The following NEFM variants were observed in gnomAD, a reference collection of about 807,000 sequenced individuals.
NEFM encodes the protein neurofilament medium chain.
In NEFM, 16 loss-of-function variants were observed where a neutral mutation model predicts 48.1. The ratio of observed to expected loss-of-function variants is 0.33; its 90% CI spans 0.23 to 0.51. The LOEUF is 0.51. Ranked by LOEUF, NEFM falls within the 20% of genes least tolerant of loss-of-function variation. The probability of loss-of-function intolerance (pLI) is 0.98; values close to 1 mark genes in which losing one functional copy is unlikely to be tolerated. For synonymous variants in NEFM, 465 were observed against 456.9 expected, an observed-to-expected ratio of 1.02 and a Z score of -0.23; for missense variants, 1,107 against 1,136.0, an observed-to-expected ratio of 0.97 and a Z score of 0.37.
Position 24,918,891 on chromosome 8 carries a change from C to T in NEFM, c.*285C>T, listed in dbSNP as rs1802625227. On this transcript the variant is annotated 3_prime_UTR_variant, in exon 3 of 3. Coordinates refer to ENST00000221166, the MANE Select transcript of NEFM (RefSeq NM_005382.2). ...TGAGATGTATTATGCAAAGTACCAA[C>T]TGAGCCAAAAACAATAAACGAAACA... is the stretch of plus-strand genomic sequence containing the variant. 1.2e-5 allele frequency: 5 copies of T among 430,592 alleles called. No homozygotes were observed. The highest frequency in any genetic ancestry group is 2.1e-5 in the Non-Finnish European group (5 of 236,368). 26.7% of individuals were successfully genotyped at this position (430,592 alleles called of 1,614,324 possible). A position where few individuals can be genotyped will look rare whatever the true frequency, so the allele number is the denominator to read the frequency against.
chr8:24,917,504 A>C lies in NEFM; in HGVS notation c.1649A>C (p.Glu550Ala). 6.4e-7 allele frequency: 1 copy of C among 1,555,358 alleles called. No homozygotes were observed. The highest frequency in any genetic ancestry group is 8.7e-7 in the Non-Finnish European group (1 of 1,148,938). ...GGAGCTAAGTCAGACCAAGCCGAAG[A>C]GGGAGGATCCGAGAAGGAAGGCTCT... ...DEGAKSDQAE[E>A]GGSEKEGSSE... Residue 550 changes from glutamate (E) to alanine (A), a missense_variant, in exon 3 of 3, where the codon GAG becomes GCG. By Grantham distance (107) the Glu-to-Ala change is moderately radical. This residue lies in a region of NEFM where 917 missense variants were observed against 916.4 expected (regional missense o/e 1.00). Coordinates refer to ENST00000221166, the MANE Select transcript of NEFM (RefSeq NM_005382.2).
Position 24,918,064 on chromosome 8 carries a change from C to G in NEFM, c.2209C>G (p.Pro737Ala). ...GCCAGAGAAGAAGAAAGCTGAGTCC[C>G]CTGTAAAGGAGGAAGCTGTGGCAGA... ...DVPEKKKAES[P>A]VKEEAVAEVV... The change falls in exon 3 of 3, where the codon CCT becomes GCT. Residue 737 changes from proline to alanine, a missense_variant. This residue lies in a region of NEFM where 917 missense variants were observed against 916.4 expected (regional missense o/e 1.00). Coordinates refer to ENST00000221166, the MANE Select transcript of NEFM (RefSeq NM_005382.2). 6.4e-7 allele frequency: 1 copy of G among 1,553,370 alleles called. No homozygotes were observed. The highest frequency in any genetic ancestry group is 8.7e-7 in the Non-Finnish European group (1 of 1,147,898).
intron 2 of NEFM, 62 bp from the exon 3 acceptor site, chr8:24,916,999 T>C: frequency 9.8e-6 from 13 of 1,331,260 alleles, no homozygotes; most frequent in Non-Finnish European, 1.4e-5. Flanking sequence ...CAGAATGTAA[T>C]GAAGCTCAGA....
rs1257300887 is a variant in NEFM at position 24,918,246 on chromosome 8, G to A, written c.2391G>A (p.Lys797=). The change falls in exon 3 of 3, where the codon AAG becomes AAA. Residue 797 remains lysine, a synonymous_variant. Coordinates refer to ENST00000221166, the MANE Select transcript of NEFM (RefSeq NM_005382.2). The stretch of plus-strand genomic sequence containing the variant: ...ATAAAGGTGCCAAGGGATCCAGGAA[G>A]GAAGACATAGCTGTCAATGGGGAGG... ...GSDKGAKGSR[K]EDIAVNGEVE... The A allele has an allele frequency of 6.3e-7, 1 of 1,576,400 alleles. No individual in the cohort carries two copies. Among genetic ancestry groups the A allele is most frequent in the African/African-American group, 1.4e-5 (1 of 73,908 alleles).
In NEFM at chr8:24,915,744, A is replaced by G; in HGVS notation, c.1205+15A>G. On this transcript the variant is annotated intron_variant, in intron 2 of 2. Coordinates refer to ENST00000221166, the MANE Select transcript of NEFM (RefSeq NM_005382.2). Reference sequence around the variant, plus strand: ...GCTGCGTACAGGTACGATGCTTACTACGTGCGTGGCCGGAACACTAACCGC... The same window carrying G: ...GCTGCGTACAGGTACGATGCTTACTGCGTGCGTGGCCGGAACACTAACCGC... 6.2e-7 allele frequency: 1 copy of G among 1,613,968 alleles called. No homozygotes were observed. Among genetic ancestry groups the G allele is most frequent in the Admixed American group, 1.7e-5 (1 of 60,004 alleles).
chr8:24,914,396 GGCCA>G lies in NEFM; in HGVS notation c.604_607del (p.Ala202SerfsTer60). 1 of 1,613,602 alleles carries G rather than the reference GGCCA, an allele frequency of 6.2e-7. No individual in the cohort carries two copies. Among genetic ancestry groups the G allele is most frequent in the Non-Finnish European group, 8.5e-7 (1 of 1,179,978 alleles). On this transcript the variant is annotated frameshift_variant, in exon 1 of 3. Coordinates refer to ENST00000221166, the MANE Select transcript of NEFM (RefSeq NM_005382.2). LOFTEE classifies it high-confidence loss of function. ...CGCGGTTGCGCGACGACACTGAGGC[GGCCA>G]TCCGCGCGCTGCGCAAAGACATCGA...
chr8:24,914,773 A>G lies in NEFM; in HGVS notation c.980A>G (p.Lys327Arg). The change falls in exon 1 of 3, where the codon AAG becomes AGG. Residue 327 changes from lysine to arginine, a missense_variant. Transcript: ENST00000221166. ...GAGTACCGGCGCCAGCTGCAGTCCA[A>G]GAGCATCGAGCTAGAGTCGGTGCGC... The part of the protein sequence containing the change: ...IAEYRRQLQS[K>R]SIELESVRGT... The G allele has an allele frequency of 6.2e-7, 1 of 1,610,976 alleles. No individual in the cohort carries two copies. Among genetic ancestry groups the G allele is most frequent in the South Asian group, 1.1e-5 (1 of 90,716 alleles).
chr8:24,914,340 C>T lies in NEFM; in HGVS notation c.547C>T (p.His183Tyr). 6.2e-7 allele frequency: 1 copy of T among 1,613,654 alleles called. No individual in the cohort carries two copies. Among genetic ancestry groups the T allele is most frequent in the East Asian group, 2.2e-5 (1 of 44,864 alleles). ...CTCGGACCACCTGGAGGAAGACATC[C>T]ACCGGCTCAAGGAGCGCTTTGAGGA... ...LDSDHLEEDIHRLKERFEEEA... is the reference protein window; with the variant it reads ...LDSDHLEEDIYRLKERFEEEA... Residue 183 changes from histidine to tyrosine, a missense_variant, in exon 1 of 3, where the codon CAC (histidine) becomes TAC (tyrosine). Transcript: ENST00000221166.
Position 24,914,861 on chromosome 8 carries a change from C to T in NEFM, c.1068C>T (p.Leu356=), listed in dbSNP as rs1314576875. 6.3e-7 allele frequency: 1 copy of T among 1,592,410 alleles called. No individual in the cohort carries two copies. The highest frequency in any genetic ancestry group is 8.5e-7 in the Non-Finnish European group (1 of 1,171,052). The change falls in exon 1 of 3, where the codon CTC becomes CTT. Residue 356 remains leucine (L), a synonymous_variant. Transcript: ENST00000221166. ...TCGAGGAGCGCCACAACCACGACCT[C>T]AGCAGCTACCAGGTAGGAACCGCGG... The part of the protein sequence containing the change: ...SDIEERHNHD[L]SSYQDTIQQL...
Position 24,915,704 on chromosome 8 carries a change from C to T in NEFM, c.1180C>T (p.Leu394=). ...GGACCTCCTCAACGTCAAGATGGCT[C>T]TGGATATAGAAATCGCTGCGTACAG... ...YQDLLNVKMA[L]DIEIAAYRKL... The change falls in exon 2 of 3, where the codon CTG becomes TTG. Residue 394 remains leucine (L), a synonymous_variant. Transcript: ENST00000221166. The T allele has an allele frequency of 6.2e-7, 1 of 1,614,068 alleles. No homozygotes were observed. The highest frequency in any genetic ancestry group is 8.5e-7 in the Non-Finnish European group (1 of 1,180,006).
rs576331039 is a variant in NEFM, at chr8:24,913,868, C to G, written c.75C>G (p.Ser25Arg). The stretch of plus-strand genomic sequence containing the variant: ...TAACCGAGACCCGCTCGAGCTTCAG[C>G]CGCGTCAGCGGCTCCCCGTCCAGTG... ...RRVTETRSSF[S>R]RVSGSPSSGF... is the part of the protein sequence containing the mutation. The change falls in exon 1 of 3, where the codon AGC becomes AGG. Residue 25 changes from serine (S) to arginine (R), a missense_variant. Physicochemically the swap from Ser to Arg is moderately radical, Grantham distance 110 (BLOSUM62 -1). Coordinates refer to ENST00000221166, the MANE Select transcript of NEFM (RefSeq NM_005382.2). 2.5e-6 allele frequency: 4 copies of G among 1,609,534 alleles called. No individual in the cohort carries two copies. Among genetic ancestry groups the G allele is most frequent in the African/African-American group, 1.3e-5 (1 of 75,016 alleles).
Position 24,918,427 on chromosome 8 carries a change from G to A in NEFM, c.2572G>A (p.Val858Ile), listed in dbSNP as rs57658073. The A allele has an allele frequency of 1.8e-3, 2,977 of 1,614,084 alleles. 6 individuals are homozygous for A. The highest frequency in any genetic ancestry group is 6.6e-3 in the Middle Eastern group (40 of 6,058). The change falls in exon 3 of 3, where the codon GTA (valine) becomes ATA (isoleucine). Residue 858 changes from valine to isoleucine, a missense_variant. Transcript: ENST00000221166. ...SEEKVVVTKTVEKITSEGGDG... is the reference protein window; with the variant it reads ...SEEKVVVTKTIEKITSEGGDG... The stretch of plus-strand genomic sequence containing the variant: ...GGAGAAAGTGGTGGTGACCAAAACG[G>A]TAGAAAAAATCACCAGTGAGGGGGG...
chr8:24,917,796 A>G lies in NEFM; in HGVS notation c.1941A>G (p.Pro647=). The part of the protein sequence containing the change: ...EKGKSPVPKS[P]VEEKGKSPVP... Reference sequence around the variant, plus strand: ...GCAAGTCTCCTGTGCCCAAGTCACCAGTGGAAGAGAAAGGCAAGTCTCCTG... The same window carrying G: ...GCAAGTCTCCTGTGCCCAAGTCACCGGTGGAAGAGAAAGGCAAGTCTCCTG... The change falls in exon 3 of 3, where the codon CCA becomes CCG. Residue 647 remains proline (P), a synonymous_variant. Transcript: ENST00000221166. 2.5e-6 allele frequency: 4 copies of G among 1,613,616 alleles called. No homozygotes were observed. The highest frequency in any genetic ancestry group is 1.7e-6 in the Non-Finnish European group (2 of 1,179,806).
Position 24,917,528 on chromosome 8 carries a change from C to T in NEFM, c.1673C>T (p.Ser558Phe), listed in dbSNP as rs56178433. The T allele has an allele frequency of 6.4e-7, 1 of 1,557,840 alleles. No homozygotes were observed. ...GAGGGAGGATCCGAGAAGGAAGGCT[C>T]TAGTGAAAAAGAGGAAGGTGAGCAG... ...AEEGGSEKEG[S>F]SEKEEGEQEE... The change falls in exon 3 of 3, where the codon TCT (serine) becomes TTT (phenylalanine). Residue 558 changes from serine to phenylalanine, a missense_variant. Around this residue, in one of 3 missense-constraint regions of NEFM, gnomAD observed 917 missense variants for 916.4 expected, o/e 1.00. Transcript: ENST00000221166.
Position 24,917,176 on chromosome 8 carries a change from G to C in NEFM, c.1321G>C (p.Val441Leu), listed in dbSNP as rs767139864. 37 of 1,613,962 alleles carry C rather than the reference G, an allele frequency of 2.3e-5. No homozygotes were observed. The Admixed American group carries it at 5.7e-4, about 25-fold the overall frequency. The change falls in exon 3 of 3, where the codon GTG becomes CTG. Residue 441 changes from valine to leucine, a missense_variant. Val to Leu is a conservative substitution (Grantham distance 32). Coordinates refer to ENST00000221166, the MANE Select transcript of NEFM (RefSeq NM_005382.2). ...TISSKIQKPK[V>L]EAPKLKVQHK... Reference sequence around the variant, plus strand: ...ATCCAGTAAGATTCAGAAACCCAAGGTGGAAGCTCCCAAGCTTAAGGTCCA... The same window carrying C: ...ATCCAGTAAGATTCAGAAACCCAAGCTGGAAGCTCCCAAGCTTAAGGTCCA...
In NEFM at chr8:24,917,896, C is replaced by T. The variant is rs1456589126; in HGVS notation, c.2041C>T (p.Pro681Ser). 6.2e-7 allele frequency: 1 copy of T among 1,613,948 alleles called. No homozygotes were observed. Among genetic ancestry groups the T allele is most frequent in the Admixed American group, 1.7e-5 (1 of 59,984 alleles). The change falls in exon 3 of 3, where the codon CCT becomes TCT. Residue 681 changes from proline to serine, a missense_variant. Transcript: ENST00000221166. ...ACCAGTGGAAGAGAAAGCCAAATCT[C>T]CTGTGCCAAAATCACCAGTGGAAGA... Reference protein sequence around the residue: ...KSPVEEKAKSPVPKSPVEEAK... With the variant: ...KSPVEEKAKSSVPKSPVEEAK...
chr8:24,918,498 A>G lies in NEFM; in HGVS notation c.2643A>G (p.Gln881=). ...TCACTAAATCTGTAACCGTCACTCA[A>G]AAGGTTGAAGAGCATGAAGAGACCT... ...KYITKSVTVT[Q]KVEEHEETFE... The change falls in exon 3 of 3, where the codon CAA becomes CAG. Residue 881 remains glutamine, a synonymous_variant. Transcript: ENST00000221166. The G allele has an allele frequency of 6.2e-7, 1 of 1,614,142 alleles. No homozygotes were observed. The highest frequency in any genetic ancestry group is 8.5e-7 in the Non-Finnish European group (1 of 1,180,020).
In NEFM at chr8:24,918,640, G is replaced by T; in HGVS notation, c.*34G>T. 1 of 1,494,128 alleles carries T rather than the reference G, an allele frequency of 6.7e-7. No individual in the cohort carries two copies. The highest frequency in any genetic ancestry group is 1.1e-5 in the South Asian group (1 of 88,604). 92.6% of individuals were successfully genotyped at this position (1,494,128 alleles called of 1,614,324 possible). Reference sequence around the variant, plus strand: ...TCCATTGCAAAAGGTTAAGCCATATGACAATTTCAAAATGCATGTGATTGG... The same window carrying T: ...TCCATTGCAAAAGGTTAAGCCATATTACAATTTCAAAATGCATGTGATTGG... On this transcript the variant is annotated 3_prime_UTR_variant, in exon 3 of 3. Coordinates refer to ENST00000221166, the MANE Select transcript of NEFM (RefSeq NM_005382.2).
intron 1 of NEFM, 58 bp from the exon 2 acceptor site, chr8:24,915,547 C>T: frequency 1.2e-6 from 2 of 1,609,986 alleles, no homozygotes; most frequent in Non-Finnish European, 1.7e-6. Flanking sequence ...AAGTGGTTTG[C>T]GAAGGAAGTT....
Sources: gnomAD v4.1 joint callset for allele counts on GRCh38, gnomAD v4.1.1 for gene constraint, gnomAD v4.1.1 regional missense constraint, MANE v1.5 for transcripts, NCBI Gene and HGNC (gene_info 2026-07-23, HGNC 2026-07-21) for gene names.